Variants in NOP58 observed in about 807,000 individuals in gnomAD.
The protein encoded by NOP58 is NOP58 ribonucleoprotein.
Under a neutral mutation model 71.2 loss-of-function variants are expected in NOP58, and 44 were observed. The observed-to-expected ratio is 0.62, with a 90% CI of 0.49 to 0.79. NOP58 has a LOEUF of 0.79. Among genes scored for constraint, NOP58 ranks in the 30% least tolerant of loss-of-function variants. NOP58 has a pLI of 0.00. For missense variants in NOP58, 538 were observed against 620.2 expected, an observed-to-expected ratio of 0.87 and a Z score of 1.41; for synonymous variants, 228 against 200.3, an observed-to-expected ratio of 1.14 and a Z score of -1.17.
intron 6 of NOP58, among the ~76,000 whole-genome samples, chr2:202,290,023 C>A (rs944316677): frequency 6.6e-6 from 1 of 152,134 alleles, no homozygotes; most frequent in East Asian, 1.9e-4. Context: ...AGCACGATCT[C>A]GGCTCACTAC....
At chr2:202,266,291 T>C (rs981282575) in intron 1 of NOP58, among the ~76,000 whole-genome samples, 5 of 151,094 alleles carry the variant, frequency 3.3e-5, no homozygotes, top group African/African-American at 1.2e-4. Flanking sequence ...TTTTGAGGAA[T>C]GATCGAAAGA....
intron 9 of NOP58, among the ~76,000 whole-genome samples, chr2:202,293,964 A>T (rs1358532607): frequency 6.6e-6 from 1 of 151,924 alleles, no homozygotes; most frequent in Non-Finnish European, 1.5e-5. Flanking sequence ...GTCTCTACCC[A>T]TTTTCATAGG....
At chr2:202,280,255 C>A (rs1688678024) in intron 3 of NOP58, among the ~76,000 whole-genome samples, 1 of 152,084 alleles carries the variant, frequency 6.6e-6, no homozygotes, top group South Asian at 2.1e-4. Flanking sequence ...AATCCCAACA[C>A]TTTGAGGGGC....
Position 202,297,963 on chromosome 2 carries a change from C to G in NOP58, c.1268+57C>G. The G allele has an allele frequency of 2.8e-6, 3 of 1,085,550 alleles. No individual in the cohort carries two copies. In the South Asian group the frequency reaches 5.6e-5, roughly 20 times the overall value. The allele number at this position is 1,085,550 out of a possible 1,614,324, so 67.2% of individuals were successfully genotyped here. On this transcript the variant is annotated intron_variant, in intron 12 of 14. Transcript: ENST00000264279. ...AGTTTTTTTAAATGTTAATTATTGA[C>G]AGTAATTTTTTATTGTAAACTTCAC...
At chr2:202,269,109 C>T (rs1332229927) in intron 1 of NOP58, among the ~76,000 whole-genome samples, 3 of 152,092 alleles carry the variant, frequency 2.0e-5, no homozygotes, top group African/African-American at 7.2e-5. Flanking sequence ...CCACCTCCTC[C>T]CGAGTAGCTG....
intron 3 of NOP58, among the ~76,000 whole-genome samples, chr2:202,279,523 T>A (rs1688665482): frequency 6.6e-6 from 1 of 152,150 alleles, no homozygotes; most frequent in Admixed American, 6.6e-5. Flanking sequence ...TAAGGCTGGG[T>A]GCGGTGGCTC....
chr2:202,267,970 A>G (rs1688445348), intron 1 of NOP58, among the ~76,000 whole-genome samples: 1 of 152,206 alleles, frequency 6.6e-6, no homozygotes, highest in Non-Finnish European at 1.5e-5. Context: ...AAGCTCGAAT[A>G]TGTTGACATT....
At chr2:202,275,691 CAG>C (rs147713174) in intron 2 of NOP58, 15,619 of 152,866 alleles carry the variant, frequency 0.1, 959 homozygotes, top group South Asian at 0.23. Context: ...TTTTTTGAGA[CAG>C]AGTCTTGTTC....
rs181889896 is a variant in NOP58 at position 202,296,288 on chromosome 2, C to T, written c.1071+451C>T. On this transcript the variant is annotated intron_variant, in intron 10 of 14. Coordinates refer to ENST00000264279, the MANE Select transcript of NOP58 (RefSeq NM_015934.5). ...TCGGCTCACTGCAACCTCCAGCTCC[C>T]TGGTTCAAACGATTCTCCTGCCTCC... 8.5e-5 allele frequency among the ~76,000 whole-genome samples: 13 copies of T among 152,242 alleles called. 1 individual carries two copies. In the East Asian group the frequency reaches 2.1e-3, roughly 25 times the overall value.
At position 202,301,098 on chromosome 2, in the gene NOP58, G is replaced by A. The variant is rs1689083740; in HGVS notation, c.1402+731G>A. 3.3e-5 allele frequency among the ~76,000 whole-genome samples: 5 copies of A among 152,006 alleles called. No homozygotes were observed. In the South Asian group the frequency reaches 1.0e-3, roughly 32 times the overall value. ...CCTAAACCCACTAGTAGCATTTGAG[G>A]CACCAAACTCTGTCCTTTGTATCCT... On this transcript the variant is annotated intron_variant, in intron 13 of 14. Transcript: ENST00000264279.
chr2:202,280,252 A>G (rs1184729405), intron 3 of NOP58, among the ~76,000 whole-genome samples: 1 of 152,098 alleles, frequency 6.6e-6, no homozygotes, highest in African/African-American at 2.4e-5. Flanking sequence ...TGTAATCCCA[A>G]CACTTTGAGG....
Position 202,291,369 on chromosome 2 carries a change from C to T in NOP58, c.780+99C>T, listed in dbSNP as rs1411694389. ...TGATTTTTACACTTATTGTTGTTCACCTGATAACATAAATATGAGGGTGTT... is the reference window on the plus strand; with the variant it reads ...TGATTTTTACACTTATTGTTGTTCATCTGATAACATAAATATGAGGGTGTT... On this transcript the variant is annotated intron_variant, in intron 8 of 14. Transcript: ENST00000264279. 3 of 846,236 alleles carry T rather than the reference C, an allele frequency of 3.5e-6. No homozygotes were observed. In the Admixed American group the frequency reaches 8.0e-5, roughly 23 times the overall value. The allele number at this position is 846,236 out of a possible 1,614,324, so 52.4% of individuals were successfully genotyped here.
chr2:202,302,865 G>A, intron 13 of NOP58, 56 bp from the exon 14 acceptor site: 2 of 1,526,790 alleles, frequency 1.3e-6, no homozygotes, highest in Non-Finnish European at 1.7e-6. Flanking sequence ...GTTTTTGGAA[G>A]GAATGAGATC....
intron 2 of NOP58, among the ~76,000 whole-genome samples, chr2:202,276,791 T>G (rs1051359082): frequency 2.0e-5 from 3 of 152,056 alleles, no homozygotes; most frequent in Non-Finnish European, 4.4e-5. Flanking sequence ...TGAGCTGTGA[T>G]TGCACCACTG....
In NOP58 at chr2:202,290,335, A is replaced by T; in HGVS notation, c.512A>T (p.Asp171Val). Residue 171 changes from aspartate to valine, a missense_variant, in exon 7 of 15, where the codon GAC (aspartate) becomes GTC (valine). Physicochemically the swap from Asp to Val is radical, Grantham distance 152 (BLOSUM62 -3). Coordinates refer to ENST00000264279, the MANE Select transcript of NOP58 (RefSeq NM_015934.5). ...TAATCTACTACAGCCTTGTTAGATG[A>T]CTTGGATAAAGAACTAAACAACTAC... ...MIVQAISLLD[D>V]LDKELNNYIM... is the part of the protein sequence containing the mutation. The T allele has an allele frequency of 6.2e-7, 1 of 1,603,432 alleles. No individual in the cohort carries two copies. Among genetic ancestry groups the T allele is most frequent in the Non-Finnish European group, 8.5e-7 (1 of 1,174,716 alleles).
At chr2:202,282,496 A>G (rs1488057941) in intron 4 of NOP58, 24 bp downstream of exon 4, 1 of 1,600,546 alleles carries the variant, frequency 6.2e-7, no homozygotes, top group African/African-American at 1.4e-5. Flanking sequence ...ATTTTTGGTC[A>G]TGCCTGCTAG....
At chr2:202,266,111 G>C in intron 1 of NOP58, 125 bp downstream of exon 1, 2 of 1,098,486 alleles carry the variant, frequency 1.8e-6, no homozygotes, top group Non-Finnish European at 2.7e-6. Flanking sequence ...GCTCTGGGAG[G>C]AGGGAGAAGG....
At chr2:202,283,269 G>T (rs1206604620) in intron 4 of NOP58, among the ~76,000 whole-genome samples, 1 of 151,928 alleles carries the variant, frequency 6.6e-6, no homozygotes, top group Admixed American at 6.6e-5. Flanking sequence ...TCACTCTGTT[G>T]CCCTGGCTAG....
intron 1 of NOP58, among the ~76,000 whole-genome samples, chr2:202,269,015 G>T (rs1688471464): frequency 6.6e-6 from 1 of 151,864 alleles, no homozygotes; most frequent in African/African-American, 2.4e-5. Flanking sequence ...TTTGAGGCAG[G>T]GTCTTGCTCT....
Sources: gnomAD v4.1 joint callset for allele counts (sites outside exome capture counted in the v4.1 genomes callset) on GRCh38, gnomAD v4.1.1 for gene constraint, MANE v1.5 for transcripts, NCBI Gene and HGNC (gene_info 2026-07-23, HGNC 2026-07-21) for gene names.